Variants in MAP3K7 observed in about 807,000 individuals in gnomAD.
MAP3K7 encodes the protein TGF-beta activated kinase 1.
MAP3K7 carries 21 observed loss-of-function variants against 84.8 expected under a neutral mutation model. The ratio of observed to expected loss-of-function variants is 0.25; its 90% CI spans 0.18 to 0.36. The LOEUF (loss-of-function observed/expected upper bound fraction) is 0.36, where lower values mean the gene tolerates loss of function less well. MAP3K7 is among the 10% of genes least tolerant of loss of function. The pLI is 1.00. For synonymous variants in MAP3K7, 241 were observed against 247.7 expected, an observed-to-expected ratio of 0.97 and a Z score of 0.25; for missense variants, 503 against 747.7, an observed-to-expected ratio of 0.67 and a Z score of 3.82.
At position 90,583,085 on chromosome 6, in the gene MAP3K7, G is replaced by C. The variant is rs570609731; in HGVS notation, c.120+3679C>G. Reference sequence around the variant, plus strand: ...TTCAGTAGTGACGGGGTTTCTCCGTGTTGGCCAGGGTGGTCTTGAACTCCT... The same window carrying C: ...TTCAGTAGTGACGGGGTTTCTCCGTCTTGGCCAGGGTGGTCTTGAACTCCT... On this transcript the variant is annotated intron_variant, in intron 1 of 16. Coordinates refer to ENST00000369329, the MANE Select transcript of MAP3K7 (RefSeq NM_145331.3). 2.6e-5 allele frequency among the ~76,000 whole-genome samples: 4 copies of C among 152,110 alleles called. No individual in the cohort carries two copies. In the South Asian group the frequency reaches 6.2e-4, roughly 24 times the overall value.
chr6:90,585,780 A>T (rs542341793), intron 1 of MAP3K7, among the ~76,000 whole-genome samples: 1 of 152,290 alleles, frequency 6.6e-6, no homozygotes, highest in South Asian at 2.1e-4. Context: ...TTATATTCTG[A>T]TTGTCACCGA....
In MAP3K7 at chr6:90,556,640, C is replaced by A. The variant is rs13196528; in HGVS notation, c.483-16G>T. The A allele has an allele frequency of 6.2e-6, 9 of 1,456,792 alleles. No homozygotes were observed. Among genetic ancestry groups the A allele is most frequent in the African/African-American group, 3.0e-5 (2 of 67,110 alleles). 90.2% of individuals were successfully genotyped at this position (1,456,792 alleles called of 1,614,324 possible). On this transcript the variant is annotated splice_polypyrimidine_tract_variant and intron_variant, in intron 5 of 16. Coordinates refer to ENST00000369329, the MANE Select transcript of MAP3K7 (RefSeq NM_145331.3). ...CAGCAGTAAGCTGTTTAAAAAAAAA[C>A]AAAAAACATCAAAAGTTACAAGGCC...
At chr6:90,535,811 C>G (rs36004730) in intron 13 of MAP3K7, among the ~76,000 whole-genome samples, 1,658 of 152,100 alleles carry the variant, frequency 0.011, 34 homozygotes, top group African/African-American at 0.038. Flanking sequence ...AGAAGCCTTT[C>G]GAGAGTTTAC....
chr6:90,529,574 A>T (rs900829687), intron 13 of MAP3K7, among the ~76,000 whole-genome samples: 2 of 152,198 alleles, frequency 1.3e-5, no homozygotes, highest in African/African-American at 2.4e-5. Flanking sequence ...TAACTAGTAC[A>T]GCTTTGGGTA....
intron 1 of MAP3K7, among the ~76,000 whole-genome samples, chr6:90,576,266 A>G (rs1284129355): frequency 6.6e-6 from 1 of 151,944 alleles, no homozygotes; most frequent in Non-Finnish European, 1.5e-5. Context: ...TACTAAAAAT[A>G]CAAAAAATTA....
At chr6:90,565,861 C>T (rs1776685599) in intron 3 of MAP3K7, among the ~76,000 whole-genome samples, 1 of 152,152 alleles carries the variant, frequency 6.6e-6, no homozygotes, top group Admixed American at 6.5e-5. Context: ...AAAGCTTATC[C>T]ACCACGATCA....
intron 6 of MAP3K7, among the ~76,000 whole-genome samples, chr6:90,555,272 T>C (rs1776298026): frequency 6.6e-6 from 1 of 152,174 alleles, no homozygotes; most frequent in Non-Finnish European, 1.5e-5. Context: ...TTTTTTTTTT[T>C]TGAGATGGAG....
chr6:90,581,953 T>G (rs1042776066), intron 1 of MAP3K7, among the ~76,000 whole-genome samples: 1 of 152,212 alleles, frequency 6.6e-6, no homozygotes, highest in Non-Finnish European at 1.5e-5. Flanking sequence ...AACAAAACTT[T>G]TGTGTGTCTC....
chr6:90,547,793 A>G (rs1361692949), intron 10 of MAP3K7, among the ~76,000 whole-genome samples: 2 of 152,124 alleles, frequency 1.3e-5, no homozygotes, highest in South Asian at 2.1e-4. Flanking sequence ...TTAACCATCA[A>G]CCATTACATT....
intron 13 of MAP3K7, among the ~76,000 whole-genome samples, chr6:90,527,763 A>G (rs1393978245): frequency 6.7e-6 from 1 of 148,770 alleles, no homozygotes; most frequent in Non-Finnish European, 1.5e-5. Flanking sequence ...TGCTCATTTT[A>G]TTTTCATAAC....
chr6:90,566,076 A>G (rs528330031), intron 3 of MAP3K7, among the ~76,000 whole-genome samples: 2 of 152,296 alleles, frequency 1.3e-5, no homozygotes, highest in South Asian at 4.1e-4. Flanking sequence ...AAATAATAAG[A>G]GCTATTTATG....
chr6:90,552,905 G>C (rs1000384124), intron 7 of MAP3K7, among the ~76,000 whole-genome samples: 1 of 152,166 alleles, frequency 6.6e-6, no homozygotes, highest in Non-Finnish European at 1.5e-5. Context: ...TACTAATCTT[G>C]TGACCTTAAG....
At chr6:90,520,414 C>G (rs1395087744) in intron 14 of MAP3K7, among the ~76,000 whole-genome samples, 2 of 151,510 alleles carry the variant, frequency 1.3e-5, no homozygotes, top group Non-Finnish European at 2.9e-5. Flanking sequence ...TTTTTTAAAG[C>G]CACTGAGAAC....
rs984244939 is a variant in MAP3K7, at chr6:90,515,839, C to T, written c.*662G>A. The T allele has an allele frequency of 6.6e-6, 1 of 152,124 alleles. No individual in the cohort carries two copies. Among genetic ancestry groups the T allele is most frequent in the Admixed American group, 6.6e-5 (1 of 15,196 alleles). 9.4% of individuals were successfully genotyped at this position (152,124 alleles called of 1,614,324 possible). The stretch of plus-strand genomic sequence containing the variant: ...ATGAGTTCCATTTTGTTCAATGTAT[C>T]ACAATCAAATTTTAGTCTAACAAAA... On this transcript the variant is annotated 3_prime_UTR_variant, in exon 17 of 17. Transcript: ENST00000369329.
At chr6:90,578,006 A>G (rs1356015340) in intron 1 of MAP3K7, among the ~76,000 whole-genome samples, 1 of 152,212 alleles carries the variant, frequency 6.6e-6, no homozygotes, top group Non-Finnish European at 1.5e-5. Flanking sequence ...GGGCAGGAGA[A>G]AGGGAAAAGG....
At chr6:90,580,872 T>A (rs1777246396) in intron 1 of MAP3K7, among the ~76,000 whole-genome samples, 1 of 152,256 alleles carries the variant, frequency 6.6e-6, no homozygotes, top group African/African-American at 2.4e-5. Flanking sequence ...GTTTTCTAAA[T>A]CAAAATGTTT....
At chr6:90,568,467 A>C (rs1272844994) in intron 3 of MAP3K7, 91 bp downstream of exon 3, 4 of 1,082,846 alleles carry the variant, frequency 3.7e-6, no homozygotes, top group Non-Finnish European at 5.3e-6. Flanking sequence ...CTTAAAAAAA[A>C]CAAAAAAACC....
rs187229215 is a variant in MAP3K7, at chr6:90,565,859, T to C, written c.297+2699A>G. Among the ~76,000 whole-genome samples the C allele has an allele frequency of 8.1e-4, 124 of 152,278 alleles. 1 individual carries two copies. The highest frequency in any genetic ancestry group is 2.7e-3 in the African/African-American group (111 of 41,548). On this transcript the variant is annotated intron_variant, in intron 3 of 16. Transcript: ENST00000369329. The stretch of plus-strand genomic sequence containing the variant: ...ATCCAGCAGCCCATCAAAAAGCTTA[T>C]CCACCACGATCAAGTTGGCCTCATC...
At chr6:90,551,675 A>G (rs1157814676) in intron 8 of MAP3K7, 1 of 157,836 alleles carries the variant, frequency 6.3e-6, no homozygotes, top group Non-Finnish European at 1.4e-5. Flanking sequence ...AATTTAGTTT[A>G]TCATGTATTG....
Sources: allele counts gnomAD v4.1 joint callset (sites outside exome capture counted in the v4.1 genomes callset), GRCh38; gene constraint gnomAD v4.1.1; transcripts MANE v1.5; gene names NCBI Gene and HGNC (gene_info 2026-07-23, HGNC 2026-07-21).